Variants in FMN1 observed in about 807,000 individuals in gnomAD.
FMN1 encodes formin-1.
In FMN1, 110 loss-of-function variants were observed where a neutral mutation model predicts 132.4. That is an observed-to-expected ratio of 0.83 (90% CI 0.71 to 0.97). The LOEUF (loss-of-function observed/expected upper bound fraction) is 0.97, where lower values mean the gene tolerates loss of function less well. Among genes scored for constraint, FMN1 ranks in the 50% least tolerant of loss-of-function variants. FMN1 has a pLI of 0.00. For missense variants in FMN1, 1,792 were observed against 1,705.3 expected, an observed-to-expected ratio of 1.05 and a Z score of -0.90; for synonymous variants, 722 against 651.7, an observed-to-expected ratio of 1.11 and a Z score of -1.64.
chr15:32,859,038 G>A (rs140771275), intron 16 of FMN1, among the ~76,000 whole-genome samples: 9 of 152,342 alleles, frequency 5.9e-5, no homozygotes, highest in East Asian at 5.8e-4. Flanking sequence ...TTCAGTCAAG[G>A]TAGGGTTGAA....
chr15:32,941,420 T>C (rs183624624), intron 9 of FMN1, among the ~76,000 whole-genome samples: 22 of 152,358 alleles, frequency 1.4e-4, no homozygotes, highest in African/African-American at 2.9e-4. Flanking sequence ...TATGTAAGTA[T>C]AGACCTTACT....
At chr15:33,161,621 T>G (rs1337624929) in intron 3 of FMN1, among the ~76,000 whole-genome samples, 1 of 151,886 alleles carries the variant, frequency 6.6e-6, no homozygotes, top group East Asian at 1.9e-4. Flanking sequence ...AAGAGTAGAT[T>G]AAAAAAACAA....
intron 4 of FMN1, among the ~76,000 whole-genome samples, chr15:33,112,081 T>A (rs1479660644): frequency 6.6e-6 from 1 of 152,158 alleles, no homozygotes; most frequent in East Asian, 1.9e-4. Context: ...CAATTTCATG[T>A]CTATGAAAAC....
At chr15:32,803,977 G>A (rs1203848574) in intron 18 of FMN1, among the ~76,000 whole-genome samples, 1 of 152,114 alleles carries the variant, frequency 6.6e-6, no homozygotes, top group Non-Finnish European at 1.5e-5. Context: ...GCCGAAAGTA[G>A]GGCTAGTCAA....
chr15:33,067,130 C>T (rs762356356), intron 5 of FMN1: 21 of 1,613,860 alleles, frequency 1.3e-5, no homozygotes, highest in Non-Finnish European at 1.7e-5. Context: ...GATACCAACA[C>T]TCGAATTCTG....
chr15:33,177,399 G>T (rs892033157), intron 3 of FMN1, among the ~76,000 whole-genome samples: 8 of 152,120 alleles, frequency 5.3e-5, no homozygotes. Context: ...GGCAAACTAA[G>T]AAAAAAGCAG....
chr15:32,787,008 G>T (rs2056902706), intron 19 of FMN1, among the ~76,000 whole-genome samples: 3 of 152,326 alleles, frequency 2.0e-5, no homozygotes, highest in South Asian at 4.1e-4. Flanking sequence ...GACCTGACCA[G>T]GGCTGTGAGG....
At chr15:33,097,177 G>A (rs554724681) in intron 4 of FMN1, among the ~76,000 whole-genome samples, 4 of 152,000 alleles carry the variant, frequency 2.6e-5, no homozygotes, top group South Asian at 4.2e-4. Context: ...TGCGCCTGTG[G>A]TGCCAGCTAC....
At chr15:33,128,767 G>T (rs905843676) in intron 4 of FMN1, among the ~76,000 whole-genome samples, 3 of 152,226 alleles carry the variant, frequency 2.0e-5, no homozygotes, top group Non-Finnish European at 4.4e-5. Flanking sequence ...CCTTAAAAGT[G>T]GTATGGACCC....
chr15:32,928,050 A>T (rs1202990708), intron 9 of FMN1, among the ~76,000 whole-genome samples: 2 of 152,232 alleles, frequency 1.3e-5, no homozygotes, highest in African/African-American at 4.8e-5. Context: ...TAATTGTCTA[A>T]CTACCTGTTG....
intron 4 of FMN1, among the ~76,000 whole-genome samples, chr15:33,109,335 A>G (rs973735374): frequency 2.6e-5 from 4 of 152,092 alleles, no homozygotes; most frequent in Non-Finnish European, 4.4e-5. Context: ...ATAAACAACC[A>G]ATGAGTATGG....
chr15:33,078,914 G>C lies in FMN1; in HGVS notation c.2043+9885C>G, dbSNP rs140611235. Among the ~76,000 whole-genome samples the C allele has an allele frequency of 2.9e-3, 436 of 152,318 alleles. 1 individual carries two copies. Among genetic ancestry groups the C allele is most frequent in the African/African-American group, 0.01 (422 of 41,572 alleles). ...TGAGGCTCACAGCACTCTAAGTTTA[G>C]TGAATGCAGACAGAACCTTAAGCTT... On this transcript the variant is annotated intron_variant, in intron 5 of 20. Transcript: ENST00000616417.
At chr15:33,034,411 TA>T in intron 6 of FMN1, among the ~76,000 whole-genome samples, 1 of 151,674 alleles carries the variant, frequency 6.6e-6, no homozygotes, top group East Asian at 1.9e-4. Flanking sequence ...TTATTTCTAC[TA>T]AAAGTAAAAA....
At chr15:32,787,425 GCACCGAC>G (rs1274417582) in intron 19 of FMN1, among the ~76,000 whole-genome samples, 8 of 152,196 alleles carry the variant, frequency 5.3e-5, no homozygotes, top group Admixed American at 3.3e-4. Flanking sequence ...GACCGCTCTG[GCACCGAC>G]CACCTCCTGT....
chr15:32,890,050 A>G (rs890576288), intron 15 of FMN1, among the ~76,000 whole-genome samples: 1 of 152,236 alleles, frequency 6.6e-6, no homozygotes, highest in African/African-American at 2.4e-5. Flanking sequence ...GAGTTACTCC[A>G]CTTAGAATAA....
intron 6 of FMN1, among the ~76,000 whole-genome samples, chr15:33,035,428 C>A (rs1007470164): frequency 6.6e-6 from 1 of 152,150 alleles, no homozygotes; most frequent in Non-Finnish European, 1.5e-5. Context: ...CCTTAGATCC[C>A]AGATAAAGAA....
intron 14 of FMN1, 21 bp downstream of exon 14, chr15:32,899,958 C>G (rs1392306160): frequency 6.2e-7 from 1 of 1,609,020 alleles, no homozygotes; most frequent in Non-Finnish European, 8.5e-7. Flanking sequence ...ATCATGGGAA[C>G]TTATTATGAA....
chr15:32,852,931 C>T (rs2059042740), intron 17 of FMN1, among the ~76,000 whole-genome samples: 1 of 152,170 alleles, frequency 6.6e-6, no homozygotes, highest in African/African-American at 2.4e-5. Context: ...GTGATCTAGC[C>T]ACACCAAGTT....
intron 20 of FMN1, among the ~76,000 whole-genome samples, chr15:32,776,422 G>C: frequency 6.6e-6 from 1 of 152,168 alleles, no homozygotes; most frequent in East Asian, 1.9e-4. Flanking sequence ...TGGGTAGGCT[G>C]TATCTTTCTG....
Sources: gnomAD v4.1 joint callset for allele counts (sites outside exome capture counted in the v4.1 genomes callset) on GRCh38, gnomAD v4.1.1 for gene constraint, MANE v1.5 for transcripts, NCBI Gene and HGNC (gene_info 2026-07-23, HGNC 2026-07-21) for gene names.